LAMC1: variants seen among roughly 807,000 people sequenced by gnomAD.
LAMC1 encodes laminin subunit gamma 1, also known as laminin subunit gamma-1.
In LAMC1, 38 loss-of-function variants were observed where a neutral mutation model predicts 173.6. The ratio of observed to expected loss-of-function variants is 0.22; its 90% CI spans 0.17 to 0.29. LAMC1 has a LOEUF of 0.29. Ranked by LOEUF, LAMC1 falls within the 10% of genes least tolerant of loss-of-function variation. LAMC1 has a pLI of 1.00. For missense variants in LAMC1, 1,824 were observed against 2,051.8 expected (o/e 0.89, Z 2.14); for synonymous variants, 746 against 749.1 (o/e 1.00, Z 0.07).
chr1:183,111,547 A>T (rs1656153570), intron 4 of LAMC1, among the ~76,000 whole-genome samples: 1 of 152,196 alleles, frequency 6.6e-6, no homozygotes, highest in Admixed American at 6.5e-5. Flanking sequence ...AGTAAAATGA[A>T]AAAACTTGAA....
At chr1:183,026,023 G>T (rs188498178) in intron 1 of LAMC1, among the ~76,000 whole-genome samples, 2 of 152,314 alleles carry the variant, frequency 1.3e-5, no homozygotes, top group Non-Finnish European at 2.9e-5. Context: ...AGGCAGATAT[G>T]TTAACTTTGG....
At chr1:183,085,734 A>T (rs1655410674) in intron 1 of LAMC1, among the ~76,000 whole-genome samples, 1 of 152,158 alleles carries the variant, frequency 6.6e-6, no homozygotes, top group African/African-American at 2.4e-5. Flanking sequence ...GTAGGCATTT[A>T]GTACTGCTTG....
intron 1 of LAMC1, among the ~76,000 whole-genome samples, chr1:183,032,276 A>G (rs1443899533): frequency 6.6e-6 from 1 of 152,200 alleles, no homozygotes; most frequent in East Asian, 1.9e-4. Flanking sequence ...CTCTTGTGGG[A>G]GAAGAATCTT....
intron 20 of LAMC1, among the ~76,000 whole-genome samples, chr1:183,132,119 C>CCAT (rs1558059311): frequency 6.6e-6 from 1 of 152,044 alleles, no homozygotes; most frequent in African/African-American, 2.4e-5. Flanking sequence ...GCCAACATGG[C>CCAT]GAAACCCATC....
chr1:183,030,070 GA>G (rs1653810121), intron 1 of LAMC1, among the ~76,000 whole-genome samples: 1 of 152,130 alleles, frequency 6.6e-6, no homozygotes, highest in Admixed American at 6.5e-5. Context: ...AAAATCAGAA[GA>G]ATAATATTTT....
intron 6 of LAMC1, among the ~76,000 whole-genome samples, chr1:183,116,359 C>A (rs1462492180): frequency 6.6e-6 from 1 of 151,872 alleles, no homozygotes; most frequent in Non-Finnish European, 1.5e-5. Flanking sequence ...CGCCTGTAGT[C>A]CCAGCTACTC....
intron 1 of LAMC1, among the ~76,000 whole-genome samples, chr1:183,096,343 T>A (rs1184168692): frequency 6.6e-6 from 1 of 152,262 alleles, no homozygotes; most frequent in Non-Finnish European, 1.5e-5. Context: ...GTGATAATCA[T>A]ACCATTATTT....
At chr1:183,077,722 A>T (rs889443364) in intron 1 of LAMC1, among the ~76,000 whole-genome samples, 6 of 139,820 alleles carry the variant, frequency 4.3e-5, no homozygotes, top group African/African-American at 1.5e-4. Flanking sequence ...GGTCACTGCA[A>T]ATGCCGTTAA....
intron 8 of LAMC1, 158 bp downstream of exon 8, chr1:183,117,061 A>T: frequency 1.3e-6 from 1 of 777,568 alleles, no homozygotes; most frequent in Non-Finnish European, 2.0e-6. Flanking sequence ...CTTTTAATTT[A>T]ATGAAAATGT....
intron 3 of LAMC1, 81 bp from the exon 4 acceptor site, chr1:183,110,407 C>T (rs1038715107): frequency 1.1e-5 from 12 of 1,100,166 alleles, no homozygotes; most frequent in South Asian, 4.9e-5. Flanking sequence ...AAACTTACTT[C>T]TTTGTGTACA....
At chr1:183,137,000 C>T (rs1292991027) in intron 25 of LAMC1, among the ~76,000 whole-genome samples, 1 of 151,924 alleles carries the variant, frequency 6.6e-6, no homozygotes, top group Non-Finnish European at 1.5e-5. Flanking sequence ...TAAGCCACTC[C>T]TAGGAGAGAC....
chr1:183,027,478 G>T (rs1440457262), intron 1 of LAMC1, among the ~76,000 whole-genome samples: 2 of 152,104 alleles, frequency 1.3e-5, no homozygotes, highest in East Asian at 3.9e-4. Context: ...TAATTAATTT[G>T]ATAATCATTG....
intron 5 of LAMC1, 109 bp downstream of exon 5, chr1:183,114,828 C>T: frequency 2.9e-6 from 3 of 1,036,368 alleles, no homozygotes; most frequent in South Asian, 3.1e-5. Flanking sequence ...GAGATGTATA[C>T]ATTATTGTAA....
At position 183,092,740 on chromosome 1, in the gene LAMC1, C is replaced by A. The variant is rs886502906; in HGVS notation, c.419-10588C>A. ...ATTATGCCTTTTCTCTTTAGGAAAT[C>A]TTTGGGAAGGCTTTTTTAGAGAACG... On this transcript the variant is annotated intron_variant, in intron 1 of 27. Transcript: ENST00000258341. Among the ~76,000 whole-genome samples, 7 of 152,228 alleles carry A rather than the reference C, an allele frequency of 4.6e-5. No homozygotes were observed. In the East Asian group the frequency reaches 5.8e-4, roughly 13 times the overall value.
At chr1:183,120,770 T>C (rs1037037691) in intron 11 of LAMC1, among the ~76,000 whole-genome samples, 2 of 152,224 alleles carry the variant, frequency 1.3e-5, no homozygotes, top group Non-Finnish European at 2.9e-5. Context: ...TTGGAGTAAT[T>C]GTATACTTGT....
chr1:183,027,579 A>G (rs1346467704), intron 1 of LAMC1, among the ~76,000 whole-genome samples: 2 of 152,200 alleles, frequency 1.3e-5, no homozygotes, highest in Non-Finnish European at 2.9e-5. Context: ...AAGAGTGCTT[A>G]TAAAACCAAC....
chr1:183,075,867 T>A (rs568893154), intron 1 of LAMC1, among the ~76,000 whole-genome samples: 1 of 152,328 alleles, frequency 6.6e-6, no homozygotes, highest in Middle Eastern at 3.4e-3. Context: ...TTTTAAAACT[T>A]AATTTCCTTT....
rs563726545 is a variant in LAMC1 at position 183,139,477 on chromosome 1, C to T, written c.4474-927C>T. ...GGTCCTTTCTCCCTCCTTTTACACT[C>T]GCAGACAAGCTTGTGGATGCTCAAT... On this transcript the variant is annotated intron_variant, in intron 26 of 27. Transcript: ENST00000258341. Among the ~76,000 whole-genome samples the T allele has an allele frequency of 2.1e-4, 32 of 152,318 alleles. No individual in the cohort carries two copies. In the East Asian group the frequency reaches 4.8e-3, roughly 23 times the overall value.
intron 1 of LAMC1, among the ~76,000 whole-genome samples, chr1:183,053,849 C>T (rs1654505872): frequency 6.6e-6 from 1 of 152,162 alleles, no homozygotes; most frequent in South Asian, 2.1e-4. Flanking sequence ...TGGTCTCAAA[C>T]TCCTGAGCTC....
Sources: allele counts gnomAD v4.1 joint callset (sites outside exome capture counted in the v4.1 genomes callset), GRCh38; gene constraint gnomAD v4.1.1; transcripts MANE v1.5; gene names NCBI Gene and HGNC (gene_info 2026-07-23, HGNC 2026-07-21).